DOCK9: variants seen among roughly 807,000 people sequenced by gnomAD.
The protein encoded by DOCK9 is dedicator of cytokinesis 9, also known as dedicator of cytokinesis protein 9.
A neutral mutation model predicts 263.3 loss-of-function variants in DOCK9; 89 were observed. That is an observed-to-expected ratio of 0.34 (90% CI 0.28 to 0.40). The LOEUF (loss-of-function observed/expected upper bound fraction) is 0.40. DOCK9 is among the 10% of genes least tolerant of loss of function. The pLI is 1.00. For missense variants in DOCK9, 2,140 were observed against 2,603.4 expected (o/e 0.82, Z 3.87); for synonymous variants, 976 against 973.1 (o/e 1.00, Z -0.06).
intron 18 of DOCK9, among the ~76,000 whole-genome samples, chr13:98,887,143 A>ATATATATATATATTTTT (rs1470080750): frequency 1.0e-5 from 1 of 95,292 alleles, no homozygotes; most frequent in African/African-American, 4.3e-5. Flanking sequence ...ATATATATAT[A>ATATATATATATATTTTT]TTTTTTTTTT....
At chr13:98,856,236 G>A in intron 33 of DOCK9, 1 of 472,416 alleles carries the variant, frequency 2.1e-6, no homozygotes, top group Non-Finnish European at 3.7e-6. Context: ...ACATTCAGAT[G>A]TAAACATCAA....
chr13:98,992,124 G>GAA (rs529785682), intron 1 of DOCK9, among the ~76,000 whole-genome samples: 11 of 142,382 alleles, frequency 7.7e-5, no homozygotes, highest in South Asian at 2.2e-4. Flanking sequence ...CCAATACAGT[G>GAA]AAAAAAAAAA....
In DOCK9 at chr13:98,829,318, C is replaced by G. The variant is rs1209303879; in HGVS notation, c.4954G>C (p.Asp1652His). The G allele has an allele frequency of 6.2e-7, 1 of 1,611,898 alleles. No individual in the cohort carries two copies. The highest frequency in any genetic ancestry group is 8.5e-7 in the Non-Finnish European group (1 of 1,179,230). The change falls in exon 43 of 53, where the codon GAT becomes CAT. Residue 1652 changes from aspartate to histidine, a missense_variant. Physicochemically the swap from Asp to His is moderately conservative, Grantham distance 81. Transcript: ENST00000682017. This position sits in a 1 kb window ranked among gnomAD's most constrained non-coding sequence, Gnocchi z 4.1. ...SMARIHVKNGDLSEAAMCYVH... is the reference protein window; with the variant it reads ...SMARIHVKNGHLSEAAMCYVH... ...GGCAGGGCTACTACCTCTGAGAGATCGCCATTTTTGACATGGATCCTGGCC... is the reference window on the plus strand; with the variant it reads ...GGCAGGGCTACTACCTCTGAGAGATGGCCATTTTTGACATGGATCCTGGCC...
At chr13:98,981,633 C>T (rs556023479), upstream of DOCK9, among the ~76,000 whole-genome samples, 24 of 152,354 alleles carry the variant, frequency 1.6e-4, no homozygotes, top group African/African-American at 5.8e-4. Flanking sequence ...GAAGAAACTG[C>T]TGTCAGCTTT....
chr13:98,853,062 AT>A (rs930496170), intron 35 of DOCK9, among the ~76,000 whole-genome samples: 5 of 152,074 alleles, frequency 3.3e-5, no homozygotes, highest in African/African-American at 9.7e-5. Flanking sequence ...ACGAATAAAA[AT>A]TTTTTTTAAA....
At chr13:98,895,984 C>G (rs1313419677) in intron 15 of DOCK9, among the ~76,000 whole-genome samples, 1 of 152,166 alleles carries the variant, frequency 6.6e-6, no homozygotes, top group Non-Finnish European at 1.5e-5. Context: ...GGAAGGCTAA[C>G]CCAGCAGGCC....
chr13:98,881,989 C>T lies in DOCK9; in HGVS notation c.2578G>A (p.Gly860Ser), dbSNP rs562911621. The change falls in exon 24 of 53, where the codon GGC (glycine) becomes AGC (serine). Residue 860 changes from glycine to serine, a missense_variant. Around this residue, in one of 2 missense-constraint regions of DOCK9, gnomAD observed 1,521 missense variants for 1,741.7 expected, o/e 0.87. Coordinates refer to ENST00000682017, the MANE Select transcript of DOCK9 (RefSeq NM_001366683.2). ...GGCAAGAAGGCGATCATCACGTGGC[C>T]TTCCATCGCATGCAGACTCTACGGA... ...KYLKSLHAME[G>S]HVMIAFLPTI... 1.4e-5 allele frequency: 23 copies of T among 1,592,702 alleles called. No individual in the cohort carries two copies. In the East Asian group the frequency reaches 4.3e-4, roughly 30 times the overall value.
chr13:99,045,798 C>T (rs921483870), intron 1 of DOCK9, among the ~76,000 whole-genome samples: 7 of 151,088 alleles, frequency 4.6e-5, no homozygotes, highest in African/African-American at 1.7e-4. Context: ...CAAAACAAAA[C>T]AAAAAAAACA....
chr13:98,936,646 G>GAAAAA (rs372600039), intron 2 of DOCK9, among the ~76,000 whole-genome samples: 3 of 149,692 alleles, frequency 2.0e-5, no homozygotes, highest in Non-Finnish European at 3.0e-5. Flanking sequence ...AAGAAAGAAA[G>GAAAAA]AAAAGAATGA....
At chr13:98,989,869 C>T (rs1879414190) in intron 1 of DOCK9, among the ~76,000 whole-genome samples, 1 of 152,226 alleles carries the variant, frequency 6.6e-6, no homozygotes, top group African/African-American at 2.4e-5. Context: ...TCCCCCACTC[C>T]TCCTTCCATG....
intron 2 of DOCK9, chr13:98,950,265 C>T (rs1480257461): frequency 3.8e-6 from 3 of 785,776 alleles, no homozygotes; most frequent in Non-Finnish European, 6.2e-6. Context: ...TGTCGTGTTT[C>T]TGCCACGAGG....
In DOCK9 at chr13:98,829,552, C is replaced by T. The variant is rs370021312; in HGVS notation, c.4750-30G>A. On this transcript the variant is annotated intron_variant, in intron 42 of 52. Transcript: ENST00000682017. This position sits in a 1 kb window ranked among gnomAD's most constrained non-coding sequence, Gnocchi z 4.1. ...AACAAGGGTGGAAGAGGAAAGGACA[C>T]ATGGCTTCCTCTGTTTGCTGCCTGT... The T allele has an allele frequency of 6.7e-5, 107 of 1,596,600 alleles. No individual in the cohort carries two copies. The African/African-American group carries it at 1.3e-3, about 19-fold the overall frequency.
rs553892419 is a variant in DOCK9 at position 99,038,248 on chromosome 13, G to A, written c.129+47975C>T. ...AATATCCTAGTCTTTATAATTAACC[G>A]GAAATAACTATTAAGCTGAAAAACT... is the stretch of plus-strand genomic sequence containing the variant. On this transcript the variant is annotated intron_variant, in intron 1 of 32. Transcript: ENST00000427887. Among the ~76,000 whole-genome samples, 7 of 145,884 alleles carry A rather than the reference G, an allele frequency of 4.8e-5. No homozygotes were observed. In the East Asian group the frequency reaches 1.0e-3, roughly 22 times the overall value.
At chr13:99,058,030 A>G (rs1351809368) in intron 1 of DOCK9, among the ~76,000 whole-genome samples, 1 of 152,148 alleles carries the variant, frequency 6.6e-6, no homozygotes, top group African/African-American at 2.4e-5. Context: ...CAGAGGGGGA[A>G]GGGTATTTAT....
At chr13:98,814,138 G>C (rs1267096106) in intron 45 of DOCK9, among the ~76,000 whole-genome samples, 1 of 152,170 alleles carries the variant, frequency 6.6e-6, no homozygotes, top group African/African-American at 2.4e-5. Context: ...CAATTTAGCA[G>C]AAAACGCTAT....
At chr13:99,028,141 G>A (rs1886969440) in intron 1 of DOCK9, among the ~76,000 whole-genome samples, 2 of 152,246 alleles carry the variant, frequency 1.3e-5, no homozygotes, top group South Asian at 4.2e-4. Flanking sequence ...TGATTTTAAG[G>A]GAGCTATTAA....
At chr13:98,966,512 AT>A (rs1216549555) in intron 1 of DOCK9, among the ~76,000 whole-genome samples, 12 of 152,340 alleles carry the variant, frequency 7.9e-5, no homozygotes, top group African/African-American at 2.6e-4. Context: ...TCTTCCAGGC[AT>A]TTTTCTTCCT....
intron 1 of DOCK9, among the ~76,000 whole-genome samples, chr13:98,968,137 A>T (rs2059383034): frequency 6.6e-6 from 1 of 152,226 alleles, no homozygotes; most frequent in South Asian, 2.1e-4. Context: ...GACGATTCTA[A>T]ATTCAGATGT....
At chr13:98,992,346 C>A (rs1488332364) in intron 1 of DOCK9, among the ~76,000 whole-genome samples, 1 of 152,148 alleles carries the variant, frequency 6.6e-6, no homozygotes, top group Non-Finnish European at 1.5e-5. Context: ...GGAGTGTCAG[C>A]CCCTTAAGGG....
Sources: gnomAD v4.1 joint callset for allele counts (sites outside exome capture counted in the v4.1 genomes callset) on GRCh38, gnomAD v4.1.1 for gene constraint, gnomAD v4.1.1 regional missense constraint, Gnocchi (gnomAD v3.1) non-coding constraint, MANE v1.5 for transcripts, NCBI Gene and HGNC (gene_info 2026-07-23, HGNC 2026-07-21) for gene names.